FAM135B: variants seen among roughly 807,000 people sequenced by gnomAD.
FAM135B encodes protein FAM135B.
A neutral mutation model predicts 127.7 loss-of-function variants in FAM135B; 43 were observed. The observed-to-expected ratio is 0.34, with a 90% CI of 0.26 to 0.43. The LOEUF (loss-of-function observed/expected upper bound fraction) is 0.43. Ranked by LOEUF, FAM135B falls within the 20% of genes least tolerant of loss-of-function variation. The probability of loss-of-function intolerance (pLI) is 1.00; values close to 1 mark genes in which losing one functional copy is unlikely to be tolerated. For missense variants in FAM135B, 1,558 were observed against 1,725.6 expected, an observed-to-expected ratio of 0.90 and a Z score of 1.72; for synonymous variants, 670 against 665.1, an observed-to-expected ratio of 1.01 and a Z score of -0.11.
At chr8:138,387,694 T>A (rs543843186) in intron 1 of FAM135B, among the ~76,000 whole-genome samples, 3 of 152,074 alleles carry the variant, frequency 2.0e-5, no homozygotes, top group African/African-American at 7.2e-5. Context: ...TATTACCCAA[T>A]TCCACAGAGG....
intron 3 of FAM135B, among the ~76,000 whole-genome samples, chr8:138,271,798 T>C (rs1184303268): frequency 6.6e-6 from 1 of 152,194 alleles, no homozygotes; most frequent in African/African-American, 2.4e-5. Context: ...ACATACAAAA[T>C]GGTTTTGTTA....
rs139595514 is a variant in FAM135B, at chr8:138,265,880, A to G, written c.158-38T>C. 186 of 1,603,354 alleles carry G rather than the reference A, an allele frequency of 1.2e-4. 2 individuals are homozygous for G. The African/African-American group carries it at 2.1e-3, about 18-fold the overall frequency. Reference sequence around the variant, plus strand: ...AATCAGTAGGAACCCATGAACTCCAATACTGTCCTGTACCTGCAGCCCTGT... The same window carrying G: ...AATCAGTAGGAACCCATGAACTCCAGTACTGTCCTGTACCTGCAGCCCTGT... On this transcript the variant is annotated intron_variant, in intron 3 of 19. Coordinates refer to ENST00000395297, the MANE Select transcript of FAM135B (RefSeq NM_015912.4).
At chr8:138,296,788 G>T (rs1825509816) in intron 3 of FAM135B, among the ~76,000 whole-genome samples, 1 of 151,962 alleles carries the variant, frequency 6.6e-6, no homozygotes, top group Admixed American at 6.6e-5. Flanking sequence ...ACCCCCCAGG[G>T]TAACTATTTC....
At chr8:138,272,944 GCCTCAGTTT>G (rs1250004381) in intron 3 of FAM135B, among the ~76,000 whole-genome samples, 1 of 152,188 alleles carries the variant, frequency 6.6e-6, no homozygotes, top group African/African-American at 2.4e-5. Flanking sequence ...CCCAGTGTAA[GCCTCAGTTT>G]CCTCATCTGT....
chr8:138,238,713 G>A (rs761609972), intron 7 of FAM135B, among the ~76,000 whole-genome samples: 31 of 152,194 alleles, frequency 2.0e-4, no homozygotes, highest in Non-Finnish European at 2.4e-4. Flanking sequence ...AATGTTATTT[G>A]TTAATGCGCT....
At chr8:138,139,147 A>C (rs2130568709) in intron 17 of FAM135B, 51 bp from the exon 18 acceptor site, 4 of 1,176,218 alleles carry the variant, frequency 3.4e-6, no homozygotes, top group Non-Finnish European at 5.0e-6. Context: ...CAAAACAAAA[A>C]CTAACTGGGA....
intron 1 of FAM135B, among the ~76,000 whole-genome samples, chr8:138,400,426 T>A (rs1833094836): frequency 6.6e-6 from 1 of 152,146 alleles, no homozygotes; most frequent in Non-Finnish European, 1.5e-5. Context: ...TGAAGCCTGG[T>A]CATTCCCATA....
intron 1 of FAM135B, among the ~76,000 whole-genome samples, chr8:138,469,507 C>T (rs555919959): frequency 6.6e-6 from 1 of 152,094 alleles, no homozygotes; most frequent in Non-Finnish European, 1.5e-5. Flanking sequence ...ACTAGGGAAG[C>T]AAAGTAGGAA....
In FAM135B at chr8:138,452,413, G is replaced by A. The variant is rs7838633; in HGVS notation, c.-20+44258C>T. Among the ~76,000 whole-genome samples the A allele has an allele frequency of 8.8e-3, 1,344 of 152,046 alleles. 19 individuals are homozygous for A. Among genetic ancestry groups the A allele is most frequent in the African/African-American group, 0.031 (1,275 of 41,470 alleles). ...TGGGATTACAGGCATGAGCCACCTCGCCTGGCCCCAATCTGCTTTTCAAAG... is the reference window on the plus strand; with the variant it reads ...TGGGATTACAGGCATGAGCCACCTCACCTGGCCCCAATCTGCTTTTCAAAG... On this transcript the variant is annotated intron_variant, in intron 1 of 19. Coordinates refer to ENST00000395297, the MANE Select transcript of FAM135B (RefSeq NM_015912.4).
chr8:138,339,933 C>T (rs1466733794), intron 2 of FAM135B, among the ~76,000 whole-genome samples: 5 of 151,836 alleles, frequency 3.3e-5, no homozygotes, highest in Admixed American at 1.3e-4. Context: ...CACCCCCATC[C>T]GGTCCAGCCT....
chr8:138,321,639 G>T (rs1411456810), intron 2 of FAM135B, among the ~76,000 whole-genome samples: 1 of 152,154 alleles, frequency 6.6e-6, no homozygotes, highest in Non-Finnish European at 1.5e-5. Flanking sequence ...GGATAGTAAT[G>T]ACAGTAATTT....
chr8:138,227,226 T>C (rs1031672743), intron 7 of FAM135B, among the ~76,000 whole-genome samples: 3 of 152,240 alleles, frequency 2.0e-5, no homozygotes, highest in Non-Finnish European at 4.4e-5. Flanking sequence ...TGGATGCTCA[T>C]CTTTGCCCTA....
chr8:138,244,479 T>C (rs1055032978), intron 6 of FAM135B, among the ~76,000 whole-genome samples: 1 of 152,118 alleles, frequency 6.6e-6, no homozygotes, highest in Admixed American at 6.6e-5. Context: ...AGCCATTTGG[T>C]GGTTGTTGGG....
intron 2 of FAM135B, among the ~76,000 whole-genome samples, chr8:138,345,856 G>A (rs990730314): frequency 2.6e-5 from 4 of 152,204 alleles, no homozygotes; most frequent in African/African-American, 7.2e-5. Flanking sequence ...GGTGGATGTG[G>A]ACAGGACTTG....
chr8:138,158,002 G>C (rs1818944085), intron 12 of FAM135B, among the ~76,000 whole-genome samples: 1 of 152,122 alleles, frequency 6.6e-6, no homozygotes, highest in African/African-American at 2.4e-5. Context: ...TCAATCCTAA[G>C]ACAAAAGAAC....
chr8:138,406,043 C>T (rs1253486317), intron 1 of FAM135B, among the ~76,000 whole-genome samples: 1 of 15,082 alleles, frequency 6.6e-5, no homozygotes, highest in African/African-American at 3.3e-4. Flanking sequence ...TATCCTTTGC[C>T]TACTTTTTGA....
At chr8:138,486,173 CAGA>C (rs1399027604) in intron 1 of FAM135B, among the ~76,000 whole-genome samples, 1 of 151,922 alleles carries the variant, frequency 6.6e-6, no homozygotes, top group African/African-American at 2.4e-5. Context: ...AAGAGACAAG[CAGA>C]AGGAGTGGCT....
intron 12 of FAM135B, among the ~76,000 whole-genome samples, chr8:138,163,385 C>A (rs1385700368): frequency 6.6e-6 from 1 of 152,078 alleles, no homozygotes. Context: ...GCGTGCCTGG[C>A]ACATGGCACA....
At chr8:138,416,712 G>C (rs1396748743) in intron 1 of FAM135B, among the ~76,000 whole-genome samples, 1 of 152,112 alleles carries the variant, frequency 6.6e-6, no homozygotes, top group Non-Finnish European at 1.5e-5. Context: ...ACTAGATGTG[G>C]ACAGGAAGAG....
Sources: gnomAD v4.1 joint callset for allele counts (sites outside exome capture counted in the v4.1 genomes callset) on GRCh38, gnomAD v4.1.1 for gene constraint, MANE v1.5 for transcripts, NCBI Gene and HGNC (gene_info 2026-07-23, HGNC 2026-07-21) for gene names.